Variants in DLGAP2 observed in about 807,000 individuals in gnomAD.
DLGAP2 encodes the protein DLG associated protein 2, also known as disks large-associated protein 2.
Under a neutral mutation model 100.3 loss-of-function variants are expected in DLGAP2, and 26 were observed. The observed-to-expected ratio is 0.26, with a 90% CI of 0.19 to 0.36. DLGAP2 has a LOEUF of 0.36. DLGAP2 is among the 10% of genes least tolerant of loss of function. DLGAP2 has a pLI of 1.00. For missense variants in DLGAP2, 1,858 were observed against 1,453.2 expected (o/e 1.28, Z -4.53); for synonymous variants, 886 against 630.1 (o/e 1.41, Z -6.08).
intron 3 of DLGAP2, among the ~76,000 whole-genome samples, chr8:1,481,502 G>C (rs1375080006): frequency 4.2e-4 from 26 of 61,370 alleles, no homozygotes; most frequent in African/African-American, 1.6e-3. Context: ...TTTTGAGATG[G>C]AGTTTTGCTT....
intron 3 of DLGAP2, among the ~76,000 whole-genome samples, chr8:1,278,793 T>C (rs918689640): frequency 3.3e-5 from 5 of 152,210 alleles, no homozygotes; most frequent in Non-Finnish European, 5.9e-5. Context: ...GCCATAAAAA[T>C]AATTTCAGTG....
chr8:1,706,813 G>T lies in DLGAP2; in HGVS notation c.*5407G>T, dbSNP rs576579195. The T allele has an allele frequency of 6.6e-6, 1 of 152,160 alleles. No individual in the cohort carries two copies. Among genetic ancestry groups the T allele is most frequent in the Non-Finnish European group, 1.5e-5 (1 of 68,034 alleles). The allele number at this position is 152,160 out of a possible 1,614,324, so 9.4% of individuals were successfully genotyped here. On this transcript the variant is annotated 3_prime_UTR_variant, in exon 15 of 15. Transcript: ENST00000637795. Reference sequence around the variant, plus strand: ...ACACACTGACTCAAACCACGCAAGGGTTTGAGAAGCCCACCCCTCTAATTC... The same window carrying T: ...ACACACTGACTCAAACCACGCAAGGTTTTGAGAAGCCCACCCCTCTAATTC...
intron 2 of DLGAP2, among the ~76,000 whole-genome samples, chr8:1,196,584 C>T (rs1472180557): frequency 1.3e-5 from 2 of 152,224 alleles, no homozygotes; most frequent in African/African-American, 2.4e-5. Context: ...AAGTGGCTGT[C>T]ATCACCAACA....
rs1221782451 is a variant in DLGAP2, at chr8:1,704,763, G to A, written c.*3357G>A. 1 of 149,460 alleles carries A rather than the reference G, an allele frequency of 6.7e-6. No homozygotes were observed. The highest frequency in any genetic ancestry group is 1.9e-4 in the East Asian group (1 of 5,176). 9.3% of individuals were successfully genotyped at this position (149,460 alleles called of 1,614,324 possible). On this transcript the variant is annotated 3_prime_UTR_variant, in exon 15 of 15. Transcript: ENST00000637795. The stretch of plus-strand genomic sequence containing the variant: ...AATATAATTACCTGTAAGGTTATCT[G>A]GTTTTAAAAGAAAAAAAAAAAGCCT...
In DLGAP2 at chr8:1,071,083, C is replaced by G. The variant is rs563013286; in HGVS notation, c.73+163117C>G. On this transcript the variant is annotated intron_variant, in intron 2 of 14. Coordinates refer to ENST00000637795, the MANE Select transcript of DLGAP2 (RefSeq NM_001346810.2). ...TGTGTTTCGGGGGCGACCCGGGCCT[C>G]TCTCTCCTGGCCTCCTCCCACTGGC... Among the ~76,000 whole-genome samples, 18 of 152,318 alleles carry G rather than the reference C, an allele frequency of 1.2e-4. No homozygotes were observed. The South Asian group carries it at 2.1e-3, about 18-fold the overall frequency.
chr8:848,870 G>A (rs73181051), intron 1 of DLGAP2, among the ~76,000 whole-genome samples: 1,688 of 150,636 alleles, frequency 0.011, 14 homozygotes, highest in Middle Eastern at 0.014. Context: ...AGGATCGCGC[G>A]GTGTCTGTTC....
intron 2 of DLGAP2, among the ~76,000 whole-genome samples, chr8:1,033,657 A>G (rs1007304561): frequency 3.3e-5 from 5 of 152,062 alleles, no homozygotes; most frequent in African/African-American, 1.2e-4. Context: ...ACAGAGGGAG[A>G]CCGTGTTACC....
rs144869055 is a variant in DLGAP2, at chr8:789,986, C to T, written c.18+52161C>T. Reference sequence around the variant, plus strand: ...CCTGTGGAAAGTGGGGAGATGATGCCGCCTCCCAGGATGGCAGTGGTAATT... The same window carrying T: ...CCTGTGGAAAGTGGGGAGATGATGCTGCCTCCCAGGATGGCAGTGGTAATT... On this transcript the variant is annotated intron_variant, in intron 1 of 14. Transcript: ENST00000637795. Among the ~76,000 whole-genome samples the T allele has an allele frequency of 3.1e-3, 477 of 152,270 alleles. 2 individuals carry two copies. The highest frequency in any genetic ancestry group is 0.011 in the African/African-American group (444 of 41,540).
At chr8:1,076,779 G>A (rs1172857665) in intron 2 of DLGAP2, among the ~76,000 whole-genome samples, 4 of 152,108 alleles carry the variant, frequency 2.6e-5, no homozygotes, top group African/African-American at 7.2e-5. Context: ...CTGGAGGCTC[G>A]AAGTTCAAGA....
chr8:1,069,144 C>T (rs931984543), intron 2 of DLGAP2, among the ~76,000 whole-genome samples: 5 of 152,188 alleles, frequency 3.3e-5, no homozygotes, highest in East Asian at 1.9e-4. Flanking sequence ...AAGAGTGATA[C>T]GGACTCTGGG....
intron 3 of DLGAP2, among the ~76,000 whole-genome samples, chr8:1,443,408 G>A (rs772836899): frequency 1.1e-4 from 17 of 152,108 alleles, no homozygotes; most frequent in Admixed American, 2.0e-4. Context: ...TCCCTCTAGC[G>A]GCTGTACATG....
chr8:1,629,983 G>C (rs1015716464), intron 7 of DLGAP2, among the ~76,000 whole-genome samples: 5 of 152,118 alleles, frequency 3.3e-5, no homozygotes, highest in Non-Finnish European at 7.4e-5. Flanking sequence ...TCACATCTTT[G>C]TCTATCTGAA....
chr8:1,233,480 C>T (rs542848671), intron 2 of DLGAP2, among the ~76,000 whole-genome samples: 10 of 152,288 alleles, frequency 6.6e-5, no homozygotes, highest in African/African-American at 7.2e-5. Context: ...CGGGGCTAAT[C>T]GCAGAGCGCA....
chr8:1,480,419 C>G (rs1400084574), intron 3 of DLGAP2, among the ~76,000 whole-genome samples: 1 of 152,302 alleles, frequency 6.6e-6, no homozygotes, highest in South Asian at 2.1e-4. Context: ...GCACCCATGG[C>G]AGGGCACGTT....
intron 4 of DLGAP2, among the ~76,000 whole-genome samples, chr8:1,533,257 G>A (rs1419562873): frequency 6.6e-6 from 1 of 152,000 alleles, no homozygotes; most frequent in Admixed American, 6.6e-5. Flanking sequence ...CCAGCACTTT[G>A]GGAGGCCGAG....
chr8:1,619,047 A>T (rs1278978357), intron 6 of DLGAP2, among the ~76,000 whole-genome samples: 1 of 152,234 alleles, frequency 6.6e-6, no homozygotes, highest in Admixed American at 6.5e-5. Context: ...TGTTCATTAA[A>T]AGACACAACT....
chr8:1,042,136 T>C (rs576802013), intron 2 of DLGAP2, among the ~76,000 whole-genome samples: 1 of 152,268 alleles, frequency 6.6e-6, no homozygotes, highest in South Asian at 2.1e-4. Flanking sequence ...AGCACCTGCC[T>C]GGCTGGGGAA....
intron 2 of DLGAP2, among the ~76,000 whole-genome samples, chr8:1,166,169 T>G (rs1797011361): frequency 6.6e-6 from 1 of 152,234 alleles, no homozygotes; most frequent in South Asian, 2.1e-4. Flanking sequence ...AGGTCTTGTT[T>G]GTCTTACAGC....
chr8:1,107,193 C>G (rs1352489703), intron 2 of DLGAP2, among the ~76,000 whole-genome samples: 1 of 152,206 alleles, frequency 6.6e-6, no homozygotes, highest in African/African-American at 2.4e-5. Flanking sequence ...TTGCAGTGCA[C>G]TGGTTCTGTG....
Sources: allele counts gnomAD v4.1 joint callset (sites outside exome capture counted in the v4.1 genomes callset), GRCh38; gene constraint gnomAD v4.1.1; transcripts MANE v1.5; gene names NCBI Gene and HGNC (gene_info 2026-07-23, HGNC 2026-07-21).